Variants in GTF2H5 observed in about 807,000 individuals in gnomAD.
GTF2H5 encodes the protein general transcription factor IIH subunit 5.
Under a neutral mutation model 7.1 loss-of-function variants are expected in GTF2H5, and 5 were observed. The ratio of observed to expected loss-of-function variants is 0.71; its 90% CI spans 0.37 to 1.49. The LOEUF (loss-of-function observed/expected upper bound fraction) is 1.49, where lower values mean the gene tolerates loss of function less well. Ranked by LOEUF, GTF2H5 falls within the 40% of genes most tolerant of loss-of-function variation. GTF2H5 has a pLI of 0.03. For missense variants in GTF2H5, 80 were observed against 83.0 expected (o/e 0.96, Z 0.14); for synonymous variants, 30 against 31.7 (o/e 0.95, Z 0.18).
intron 2 of GTF2H5, among the ~76,000 whole-genome samples, chr6:158,186,460 A>G (rs1776921570): frequency 6.6e-6 from 1 of 152,254 alleles, no homozygotes; most frequent in Admixed American, 6.5e-5. Flanking sequence ...GCAGACAGCA[A>G]TGTTTCAATG....
intron 2 of GTF2H5, among the ~76,000 whole-genome samples, chr6:158,174,910 TCTGTTTTTTTCTCAGC>T (rs1785908509): frequency 6.6e-6 from 1 of 152,138 alleles, no homozygotes; most frequent in South Asian, 2.1e-4. Context: ...TAACCATTGT[TCTGTTTTTTTCTCAGC>T]ATGTATAAAT....
Position 158,192,947 on chromosome 6 carries a change from A to C in GTF2H5, c.*790A>C, listed in dbSNP as rs2128432377. 1 of 146,676 alleles carries C rather than the reference A, an allele frequency of 6.8e-6. No individual in the cohort carries two copies. The highest frequency in any genetic ancestry group is 2.1e-4 in the South Asian group (1 of 4,670). 9.1% of individuals were successfully genotyped at this position (146,676 alleles called of 1,614,324 possible). On this transcript the variant is annotated 3_prime_UTR_variant, in exon 3 of 3. Transcript: ENST00000607778. ...AAAAAAAAAATTCTACTTGTACCTT[A>C]TTCCCTATGAGAATACTTATCAAAC... is the stretch of plus-strand genomic sequence containing the variant.
At chr6:158,190,840 T>C in intron 2 of GTF2H5, 1 of 443,644 alleles carries the variant, frequency 2.3e-6, no homozygotes, top group South Asian at 1.7e-5. Flanking sequence ...ATATTCATTT[T>C]TTGCTAAACA....
rs959572567 is a variant in GTF2H5, at chr6:158,196,657, C to G, written c.*4500C>G. The G allele has an allele frequency of 6.6e-6, 1 of 152,036 alleles. No individual in the cohort carries two copies. The highest frequency in any genetic ancestry group is 1.5e-5 in the Non-Finnish European group (1 of 68,028). 9.4% of individuals were successfully genotyped at this position (152,036 alleles called of 1,614,324 possible). ...AATATGAATTCTGCTAAAACTGAAGCAAGAACAAACATCAAATTTATGGCA... is the reference window on the plus strand; with the variant it reads ...AATATGAATTCTGCTAAAACTGAAGGAAGAACAAACATCAAATTTATGGCA... On this transcript the variant is annotated 3_prime_UTR_variant, in exon 3 of 3. Transcript: ENST00000607778.
At chr6:158,174,184 A>G (rs559573773) in intron 2 of GTF2H5, among the ~76,000 whole-genome samples, 1 of 152,258 alleles carries the variant, frequency 6.6e-6, no homozygotes, top group South Asian at 2.1e-4. Context: ...CCTATCTCAC[A>G]GCTGCTTCCA....
chr6:158,192,181 G>C lies in GTF2H5; in HGVS notation c.*24G>C. 6.4e-7 allele frequency: 1 copy of C among 1,574,306 alleles called. No individual in the cohort carries two copies. Among genetic ancestry groups the C allele is most frequent in the Non-Finnish European group, 8.7e-7 (1 of 1,145,880 alleles). On this transcript the variant is annotated 3_prime_UTR_variant, in exon 3 of 3. Transcript: ENST00000607778. ...GAAAATACTCAATATGGACCATTTA[G>C]GAATTATAAGCAGCAACTGTGAAAG...
chr6:158,183,506 C>T (rs1412244935), intron 2 of GTF2H5, among the ~76,000 whole-genome samples: 3 of 152,196 alleles, frequency 2.0e-5, no homozygotes, highest in Non-Finnish European at 2.9e-5. Context: ...TCTAGAGAGG[C>T]AGTAGGCCTT....
At chr6:158,169,752 A>G (rs1359473849) in intron 1 of GTF2H5, among the ~76,000 whole-genome samples, 1 of 66,384 alleles carries the variant, frequency 1.5e-5, no homozygotes, top group Admixed American at 2.6e-4. Flanking sequence ...ATATTATATA[A>G]TATATTGTAT....
rs1267521535 is a variant in GTF2H5, at chr6:158,169,714, ATATAT to A, written c.-34-750_-34-746del. 6.8e-4 allele frequency among the ~76,000 whole-genome samples: 33 copies of A among 48,580 alleles called. 1 individual carries two copies. Among genetic ancestry groups the A allele is most frequent in the Admixed American group, 1.2e-3 (3 of 2,534 alleles). 31.9% of individuals were successfully genotyped at this position (48,580 alleles called of 152,430 possible). A position where few individuals can be genotyped will look rare whatever the true frequency, so the allele number is the denominator to read the frequency against. On this transcript the variant is annotated intron_variant, in intron 1 of 2. Coordinates refer to ENST00000607778, the MANE Select transcript of GTF2H5 (RefSeq NM_207118.3). ...TATATTATATAATATATTGTATATTATATATTATATAATATATTGTATATTATATA... is the reference window on the plus strand; with the variant it reads ...TATATTATATAATATATTGTATATTATATATAATATATTGTATATTATATA...
chr6:158,175,781 T>A (rs1170512906), intron 2 of GTF2H5, among the ~76,000 whole-genome samples: 1 of 151,974 alleles, frequency 6.6e-6, no homozygotes, highest in Non-Finnish European at 1.5e-5. Flanking sequence ...AAAAAAATTT[T>A]AGGAAATGAT....
At chr6:158,184,381 G>A (rs1455721597) in intron 2 of GTF2H5, among the ~76,000 whole-genome samples, 1 of 152,124 alleles carries the variant, frequency 6.6e-6, no homozygotes, top group Non-Finnish European at 1.5e-5. Context: ...TGGGGTCTGG[G>A]GCTAGGCTTT....
Position 158,169,745 on chromosome 6 carries a change from T to TGA in GTF2H5, c.-34-725_-34-724insGA, listed in dbSNP as rs374070331. ...TATATAATATATTGTATATTATATA[T>TGA]TATATAATATATTGTATATTATATA... On this transcript the variant is annotated intron_variant, in intron 1 of 2. Coordinates refer to ENST00000607778, the MANE Select transcript of GTF2H5 (RefSeq NM_207118.3). Among the ~76,000 whole-genome samples, 46 of 54,040 alleles carry TGA rather than the reference T, an allele frequency of 8.5e-4. 2 individuals are homozygous for TGA. The highest frequency in any genetic ancestry group is 4.6e-3 in the African/African-American group (44 of 9,582). 35.5% of individuals were successfully genotyped at this position (54,040 alleles called of 152,430 possible). A position where few individuals can be genotyped will look rare whatever the true frequency, so the allele number is the denominator to read the frequency against.
intron 2 of GTF2H5, chr6:158,190,694 A>G (rs1209507982): frequency 4.6e-6 from 2 of 438,388 alleles, no homozygotes; most frequent in Non-Finnish European, 9.0e-6. Flanking sequence ...TCTTGTTTTC[A>G]GTAAATTATA....
intron 1 of GTF2H5, among the ~76,000 whole-genome samples, chr6:158,169,464 A>G (rs1192140395): frequency 2.8e-5 from 2 of 70,254 alleles, no homozygotes; most frequent in African/African-American, 6.8e-5. Flanking sequence ...TATATATATT[A>G]TATTGTATAT....
chr6:158,192,121 A>AT lies in GTF2H5; in HGVS notation c.180_181insT (p.Met61TyrfsTer37). ...TCCTCCAGGAGCGAGTGGGTGAATT[A>AT]ATGGACCAAAATGCTTTTTCCCTTA... is the stretch of plus-strand genomic sequence containing the variant. On this transcript the variant is annotated frameshift_variant, in exon 3 of 3. Transcript: ENST00000607778. LOFTEE classifies it high-confidence loss of function. 6.2e-7 allele frequency: 1 copy of AT among 1,613,460 alleles called. No homozygotes were observed.
intron 2 of GTF2H5, among the ~76,000 whole-genome samples, chr6:158,188,700 G>A (rs1468020839): frequency 1.3e-5 from 2 of 151,804 alleles, no homozygotes; most frequent in Admixed American, 1.3e-4. Flanking sequence ...ACATTTTTTT[G>A]TATCTGCTTA....
At chr6:158,170,325 C>T (rs1052782659) in intron 1 of GTF2H5, 145 bp from the exon 2 acceptor site, 3 of 607,592 alleles carry the variant, frequency 4.9e-6, no homozygotes, top group Non-Finnish European at 8.7e-6. Context: ...ATCAGAATGT[C>T]TTTTTTCTTA....
intron 1 of GTF2H5, among the ~76,000 whole-genome samples, chr6:158,169,063 G>A (rs1583622477): frequency 6.6e-6 from 1 of 151,534 alleles, no homozygotes. Flanking sequence ...GTGAAACCCT[G>A]CCTCTACTAA....
intron 2 of GTF2H5, among the ~76,000 whole-genome samples, chr6:158,172,459 T>C (rs112758140): frequency 0.12 from 18,787 of 151,922 alleles, 1,293 homozygotes; most frequent in Middle Eastern, 0.16. Context: ...CACACCCGGC[T>C]AATTTTATTT....
Sources: allele counts gnomAD v4.1 joint callset (sites outside exome capture counted in the v4.1 genomes callset), GRCh38; gene constraint gnomAD v4.1.1; transcripts MANE v1.5; gene names NCBI Gene and HGNC (gene_info 2026-07-23, HGNC 2026-07-21).